Variants in CCNY observed in about 807,000 individuals in gnomAD.
The protein encoded by CCNY is cyclin-Y.
Under a neutral mutation model 42.8 loss-of-function variants are expected in CCNY, and 19 were observed. That is an observed-to-expected ratio of 0.44 (90% confidence interval 0.31 to 0.65). CCNY has a LOEUF of 0.65. CCNY is among the 30% of genes least tolerant of loss of function. The pLI is 0.07. For synonymous variants in CCNY, 165 were observed against 162.7 expected, an observed-to-expected ratio of 1.01 and a Z score of -0.11; for missense variants, 370 against 437.3, an observed-to-expected ratio of 0.85 and a Z score of 1.37.
chr10:35,347,053 A>G (rs1236129403), intron 1 of CCNY, among the ~76,000 whole-genome samples: 1 of 152,236 alleles, frequency 6.6e-6, no homozygotes, highest in Non-Finnish European at 1.5e-5. Context: ...CCATGGTAAC[A>G]ACTCTGGGCT....
intron 4 of CCNY, among the ~76,000 whole-genome samples, chr10:35,517,216 A>T (rs1260005399): frequency 3.9e-5 from 6 of 152,104 alleles, no homozygotes; most frequent in African/African-American, 9.7e-5. Context: ...GGAGGAAGGA[A>T]GGGGGAGTCT....
chr10:35,384,663 A>T (rs1837265139), intron 1 of CCNY, among the ~76,000 whole-genome samples: 1 of 152,044 alleles, frequency 6.6e-6, no homozygotes, highest in Non-Finnish European at 1.5e-5. Context: ...ACATAGGGTG[A>T]GTCCATCTGG....
chr10:35,450,008 A>G (rs1838882321), intron 1 of CCNY, among the ~76,000 whole-genome samples: 1 of 152,088 alleles, frequency 6.6e-6, no homozygotes, highest in South Asian at 2.1e-4. Context: ...AGTTAGATTT[A>G]ATCAGCTCTG....
At chr10:35,250,348 G>A (rs1408494851) in intron 2 of CCNY, among the ~76,000 whole-genome samples, 1 of 152,158 alleles carries the variant, frequency 6.6e-6, no homozygotes, top group Non-Finnish European at 1.5e-5. Context: ...CTGGGCAATA[G>A]AATGAGACTC....
intron 1 of CCNY, among the ~76,000 whole-genome samples, chr10:35,371,172 G>A (rs1836927416): frequency 6.6e-6 from 1 of 152,164 alleles, no homozygotes; most frequent in South Asian, 2.1e-4. Flanking sequence ...GATCATGTTG[G>A]TAGTACCACC....
At chr10:35,516,373 T>G in intron 3 of CCNY, 150 bp from the exon 4 acceptor site, 1 of 647,152 alleles carries the variant, frequency 1.5e-6, no homozygotes, top group African/African-American at 1.9e-5. Context: ...GAATAAAGTG[T>G]TTTTGTACTG....
chr10:35,329,274 G>A (rs1463430523), intron 3 of CCNY, among the ~76,000 whole-genome samples: 1 of 152,130 alleles, frequency 6.6e-6, no homozygotes, highest in East Asian at 1.9e-4. Flanking sequence ...ATCCCCGGCC[G>A]GGTGCAGTGG....
At chr10:35,472,981 G>A (rs569626047) in intron 1 of CCNY, among the ~76,000 whole-genome samples, 6 of 152,186 alleles carry the variant, frequency 3.9e-5, no homozygotes, top group East Asian at 1.9e-4. Context: ...TGAATTCAAC[G>A]GAATTGCCTT....
chr10:35,260,386 G>C (rs1393251151), intron 3 of CCNY, among the ~76,000 whole-genome samples: 1 of 152,092 alleles, frequency 6.6e-6, no homozygotes, highest in Non-Finnish European at 1.5e-5. Flanking sequence ...GCCAGGGGCC[G>C]ACTGGGCTGA....
At chr10:35,508,461 T>A (rs1245967758) in intron 3 of CCNY, among the ~76,000 whole-genome samples, 1 of 152,236 alleles carries the variant, frequency 6.6e-6, no homozygotes, top group Non-Finnish European at 1.5e-5. Context: ...AGGCTCATCT[T>A]GTACCTCTGC....
chr10:35,537,454 A>G (rs1277384432), intron 7 of CCNY, among the ~76,000 whole-genome samples: 3 of 152,172 alleles, frequency 2.0e-5, no homozygotes, highest in African/African-American at 7.2e-5. Context: ...AGCTTGCACC[A>G]TGCACCTGGA....
At chr10:35,462,321 G>A (rs1215933751) in intron 1 of CCNY, among the ~76,000 whole-genome samples, 4 of 152,258 alleles carry the variant, frequency 2.6e-5, no homozygotes, top group South Asian at 4.1e-4. Flanking sequence ...GAAGGACCCC[G>A]TCTTGCCACT....
chr10:35,320,539 T>C (rs1835808849), intron 3 of CCNY, among the ~76,000 whole-genome samples: 1 of 152,206 alleles, frequency 6.6e-6, no homozygotes, highest in South Asian at 2.1e-4. Context: ...AACTGAATGC[T>C]TTCTCCTCAG....
chr10:35,495,656 A>T (rs1839989680), intron 2 of CCNY, among the ~76,000 whole-genome samples: 1 of 152,246 alleles, frequency 6.6e-6, no homozygotes, highest in South Asian at 2.1e-4. Context: ...AGAGCAGGCC[A>T]GAGGTCTAAT....
rs371963033 is a variant in CCNY at position 35,460,991 on chromosome 10, G to T, written c.155-22413G>T. 9.2e-5 allele frequency among the ~76,000 whole-genome samples: 14 copies of T among 152,262 alleles called. No individual in the cohort carries two copies. The East Asian group carries it at 1.5e-3, about 17-fold the overall frequency. ...AAACTGAGGGAGGGATGTGAAGAGT[G>T]GGGAGCAGTGGGCAGGGGTGGGAGG... On this transcript the variant is annotated intron_variant, in intron 1 of 9. Transcript: ENST00000374704.
At position 35,547,322 on chromosome 10, in the gene CCNY, A is replaced by C. The variant is rs375664003; in HGVS notation, c.580-5697A>C. ...TAAGGTTATTCAGCTCTCTTGAGTG[A>C]CTTTCTTTTTTCCACCAACAGTTGT... On this transcript the variant is annotated intron_variant, in intron 7 of 9. Coordinates refer to ENST00000374704, the MANE Select transcript of CCNY (RefSeq NM_145012.6). Among the ~76,000 whole-genome samples the C allele has an allele frequency of 3.3e-5, 5 of 152,166 alleles. No homozygotes were observed. In the South Asian group the frequency reaches 6.2e-4, roughly 19 times the overall value.
At chr10:35,536,272 C>T (rs937637617) in intron 7 of CCNY, among the ~76,000 whole-genome samples, 13 of 152,098 alleles carry the variant, frequency 8.5e-5, no homozygotes, top group Non-Finnish European at 1.5e-4. Context: ...TTTCACCCTC[C>T]GCCATGATTC....
chr10:35,427,457 C>T (rs924887726), intron 1 of CCNY, among the ~76,000 whole-genome samples: 7 of 152,318 alleles, frequency 4.6e-5, no homozygotes, highest in South Asian at 2.1e-4. Flanking sequence ...TGCCACCTCC[C>T]GGCTTGTGAC....
chr10:35,323,765 T>A (rs541129406), intron 3 of CCNY, among the ~76,000 whole-genome samples: 1 of 152,160 alleles, frequency 6.6e-6, no homozygotes, highest in Non-Finnish European at 1.5e-5. Context: ...CCACCTGTAA[T>A]CCCAGCATGT....
Sources: allele counts gnomAD v4.1 joint callset (sites outside exome capture counted in the v4.1 genomes callset), GRCh38; gene constraint gnomAD v4.1.1; transcripts MANE v1.5; gene names NCBI Gene and HGNC (gene_info 2026-07-23, HGNC 2026-07-21).